TENM2: variants seen among roughly 807,000 people sequenced by gnomAD.
TENM2 encodes the protein teneurin transmembrane protein 2.
TENM2 carries 52 observed loss-of-function variants against 245.2 expected under a neutral mutation model. That is an observed-to-expected ratio of 0.21 (90% CI 0.17 to 0.27). The LOEUF (loss-of-function observed/expected upper bound fraction) is 0.27, where lower values mean the gene tolerates loss of function less well. TENM2 is among the 10% of genes least tolerant of loss of function. The pLI, the probability that TENM2 is intolerant of heterozygous loss-of-function variation, is 1.00. For synonymous variants in TENM2, 1,363 were observed against 1,438.9 expected (o/e 0.95, Z 1.19); for missense variants, 3,046 against 3,666.8 (o/e 0.83, Z 4.37).
At chr5:167,583,510 AC>A (rs1554085401) in intron 2 of TENM2, among the ~76,000 whole-genome samples, 1 of 149,892 alleles carries the variant, frequency 6.7e-6, no homozygotes, top group Non-Finnish European at 1.5e-5. Context: ...ACACACACAC[AC>A]CCCAAACCTA....
At position 167,931,317 on chromosome 5, in the gene TENM2, T is replaced by C. The variant is rs541954906; in HGVS notation, c.713-21271T>C. 5.3e-4 allele frequency among the ~76,000 whole-genome samples: 80 copies of C among 152,300 alleles called. 1 individual carries two copies. The South Asian group carries it at 0.016, about 31-fold the overall frequency. ...ATGGAGCTACTGTACTTTATTGTGA[T>C]GTCAGAGATTGAACTGGGGTGAGAA... On this transcript the variant is annotated intron_variant, in intron 3 of 28. Coordinates refer to ENST00000518659, the Ensembl canonical transcript of TENM2.
chr5:167,233,462 T>G, the TENM2 span, among the ~76,000 whole-genome samples: 31,574 of 151,926 alleles, frequency 0.21, 3,830 homozygotes, highest in African/African-American at 0.34. Context: ...TCTATAAAAT[T>G]CCATCCATTT....
intron 2 of TENM2, among the ~76,000 whole-genome samples, chr5:167,619,311 A>G (rs531159986): frequency 1.3e-3 from 202 of 152,242 alleles, no homozygotes; most frequent in South Asian, 3.3e-3. Context: ...TTTTTAAATA[A>G]AGAGTTGATC....
the TENM2 span, among the ~76,000 whole-genome samples, chr5:167,084,330 TATATATATATATA>T: frequency 1.7e-5 from 1 of 60,606 alleles, no homozygotes; most frequent in Non-Finnish European, 3.0e-5. Context: ...ATTTTAGTTA[TATATATATATATA>T]TATATATATA....
the TENM2 span, among the ~76,000 whole-genome samples, chr5:167,043,635 A>G: frequency 3.5e-4 from 53 of 152,312 alleles, no homozygotes; most frequent in African/African-American, 1.2e-3. Flanking sequence ...CGAATTTTAC[A>G]TAGTCTAGCT....
At chr5:167,081,694 C>G in the TENM2 span, among the ~76,000 whole-genome samples, 226 of 152,288 alleles carry the variant, frequency 1.5e-3, 5 homozygotes, top group East Asian at 0.032. Flanking sequence ...CTGAGTTAGA[C>G]ATTCACTGCA....
At chr5:166,999,618 T>C in the TENM2 span, among the ~76,000 whole-genome samples, 1 of 152,198 alleles carries the variant, frequency 6.6e-6, no homozygotes, top group Non-Finnish European at 1.5e-5. Context: ...CAGCGTGCCT[T>C]AACTGGAAGT....
intron 7 of TENM2, among the ~76,000 whole-genome samples, chr5:168,084,473 T>C (rs1169184672): frequency 6.6e-6 from 1 of 152,224 alleles, no homozygotes; most frequent in African/African-American, 2.4e-5. Flanking sequence ...TAGTATCTCA[T>C]TGTGGTTTTG....
At position 168,057,995 on chromosome 5, in the gene TENM2, G is replaced by T. The variant is rs143893740; in HGVS notation, c.1310-4065G>T. Among the ~76,000 whole-genome samples, 112 of 152,250 alleles carry T rather than the reference G, an allele frequency of 7.4e-4. 2 individuals are homozygous for T. In the East Asian group the frequency reaches 0.021, roughly 29 times the overall value. ...GCAAGCTGGATGTACAGCATCAGCA[G>T]GGTAGTTATACCTTTTACAGACAAT... On this transcript the variant is annotated intron_variant, in intron 6 of 28. Coordinates refer to ENST00000518659, the Ensembl canonical transcript of TENM2.
chr5:167,410,834 A>G (rs1359074288), intron 2 of TENM2, among the ~76,000 whole-genome samples: 2 of 152,060 alleles, frequency 1.3e-5, no homozygotes, highest in African/African-American at 2.4e-5. Flanking sequence ...GTATTTTAAG[A>G]TATATGTCAG....
chr5:168,227,474 A>AGACGG (rs1764309280), intron 24 of TENM2, among the ~76,000 whole-genome samples: 1 of 132,578 alleles, frequency 7.5e-6, no homozygotes, highest in Non-Finnish European at 1.6e-5. Context: ...ACCTTGGGTT[A>AGACGG]GACGGCAGGC....
intron 6 of TENM2, among the ~76,000 whole-genome samples, chr5:168,051,695 G>T (rs1454455979): frequency 1.3e-5 from 2 of 152,196 alleles, no homozygotes; most frequent in Admixed American, 1.3e-4. Context: ...ACAAACACCA[G>T]CTCCATCACT....
At position 167,577,867 on chromosome 5, in the gene TENM2, A is replaced by G. The variant is rs1261422380; in HGVS notation, c.502+202394A>G. Among the ~76,000 whole-genome samples, 4 of 152,364 alleles carry G rather than the reference A, an allele frequency of 2.6e-5. No individual in the cohort carries two copies. In the East Asian group the frequency reaches 5.8e-4, roughly 22 times the overall value. ...TATGCGCCAAACAGCCTACTGGACTAAAAGTGCCAGGTCTTAACTCCCTCC... is the reference window on the plus strand; with the variant it reads ...TATGCGCCAAACAGCCTACTGGACTGAAAGTGCCAGGTCTTAACTCCCTCC... On this transcript the variant is annotated intron_variant, in intron 2 of 28. Coordinates refer to ENST00000518659, the Ensembl canonical transcript of TENM2.
At chr5:167,611,416 G>A (rs1026234002) in intron 2 of TENM2, among the ~76,000 whole-genome samples, 5 of 151,984 alleles carry the variant, frequency 3.3e-5, no homozygotes, top group African/African-American at 1.2e-4. Flanking sequence ...CCTTGGTCTA[G>A]GTTGCATCCA....
At chr5:167,472,978 A>G (rs1170448181) in intron 2 of TENM2, among the ~76,000 whole-genome samples, 1 of 152,192 alleles carries the variant, frequency 6.6e-6, no homozygotes, top group Non-Finnish European at 1.5e-5. Context: ...TGGACAATAA[A>G]CAAATTGGGG....
chr5:167,099,549 G>A, the TENM2 span, among the ~76,000 whole-genome samples: 1 of 152,098 alleles, frequency 6.6e-6, no homozygotes, highest in East Asian at 1.9e-4. Flanking sequence ...TATAAAATTA[G>A]CTGGGCATGG....
At chr5:167,939,116 C>T (rs886406132) in intron 3 of TENM2, among the ~76,000 whole-genome samples, 7 of 152,154 alleles carry the variant, frequency 4.6e-5, no homozygotes, top group Non-Finnish European at 1.5e-5. Flanking sequence ...CTGCGCATGG[C>T]TTTTCTAGGC....
At chr5:167,404,769 A>G (rs1208298381) in intron 2 of TENM2, among the ~76,000 whole-genome samples, 2 of 152,136 alleles carry the variant, frequency 1.3e-5, no homozygotes, top group African/African-American at 4.8e-5. Context: ...TATTTTTTGT[A>G]ACAGCATGAT....
intron 2 of TENM2, among the ~76,000 whole-genome samples, chr5:167,608,315 A>C: frequency 6.6e-6 from 1 of 152,188 alleles, no homozygotes; most frequent in East Asian, 1.9e-4. Context: ...TGTAGCAGGC[A>C]TCTCTCCAGG....
Sources: gnomAD v4.1 joint callset for allele counts (sites outside exome capture counted in the v4.1 genomes callset) on GRCh38, gnomAD v4.1.1 for gene constraint, MANE v1.5 for transcripts, NCBI Gene and HGNC (gene_info 2026-07-23, HGNC 2026-07-21) for gene names.